Variants in STK32B observed in about 807,000 individuals in gnomAD.
The protein encoded by STK32B is serine/threonine-protein kinase 32B.
STK32B carries 43 observed loss-of-function variants against 52.6 expected under a neutral mutation model. The ratio of observed to expected loss-of-function variants is 0.82; its 90% confidence interval spans 0.64 to 1.05. The LOEUF (loss-of-function observed/expected upper bound fraction) is 1.05, where lower values mean the gene tolerates loss of function less well. STK32B is among the 50% of genes least tolerant of loss of function. The pLI is 0.00. For synonymous variants in STK32B, 238 were observed against 204.3 expected, an observed-to-expected ratio of 1.17 and a Z score of -1.41; for missense variants, 621 against 534.6, an observed-to-expected ratio of 1.16 and a Z score of -1.59.
intron 3 of STK32B, among the ~76,000 whole-genome samples, chr4:5,218,022 T>C (rs925276349): frequency 1.3e-5 from 2 of 152,106 alleles, no homozygotes; most frequent in African/African-American, 4.8e-5. Context: ...TCTTGGTATT[T>C]TTTTCCTGTA....
chr4:5,158,960 C>A (rs901152750), intron 2 of STK32B, among the ~76,000 whole-genome samples: 2 of 152,214 alleles, frequency 1.3e-5, no homozygotes, highest in Admixed American at 1.3e-4. Flanking sequence ...ATGGCACCAA[C>A]CCTTTAAACA....
intron 3 of STK32B, among the ~76,000 whole-genome samples, chr4:5,270,685 C>G (rs1310374583): frequency 1.3e-5 from 2 of 152,076 alleles, no homozygotes; most frequent in African/African-American, 2.4e-5. Context: ...AAACATTGTA[C>G]TGAAGGGCAT....
intron 4 of STK32B, among the ~76,000 whole-genome samples, chr4:5,335,764 T>G (rs1270957903): frequency 6.6e-6 from 1 of 152,190 alleles, no homozygotes; most frequent in Non-Finnish European, 1.5e-5. Flanking sequence ...AGCAGGTTGT[T>G]CATTTTCCAT....
At position 5,446,694 on chromosome 4, in the gene STK32B, A is replaced by G. The variant is rs771706652; in HGVS notation, c.584A>G (p.Tyr195Cys). The G allele has an allele frequency of 2.5e-6, 4 of 1,614,098 alleles. No homozygotes were observed. Among genetic ancestry groups the G allele is most frequent in the African/African-American group, 2.7e-5 (2 of 75,032 alleles). The part of the protein sequence containing the change: ...PYMAPEVFQV[Y>C]MDRGPGYSYP... Reference sequence around the variant, plus strand: ...GCAGCTCCAGAAGTATTCCAGGTGTACATGGACAGAGGCCCCGGATACTCG... The same window carrying G: ...GCAGCTCCAGAAGTATTCCAGGTGTGCATGGACAGAGGCCCCGGATACTCG... The change falls in exon 7 of 12, where the codon TAC becomes TGC. Residue 195 changes from tyrosine to cysteine, a missense_variant. By Grantham distance (194) the Tyr-to-Cys change is radical (BLOSUM62 -2). Coordinates refer to ENST00000282908, the MANE Select transcript of STK32B (RefSeq NM_018401.3).
At chr4:5,283,696 T>C (rs1577291330) in intron 3 of STK32B, among the ~76,000 whole-genome samples, 1 of 152,274 alleles carries the variant, frequency 6.6e-6, no homozygotes, top group South Asian at 2.1e-4. Flanking sequence ...ATATTCAACG[T>C]GCTGAAGGAA....
At chr4:5,177,800 A>G (rs979632009) in intron 3 of STK32B, among the ~76,000 whole-genome samples, 5 of 152,208 alleles carry the variant, frequency 3.3e-5, no homozygotes, top group African/African-American at 9.6e-5. Flanking sequence ...AAGTTCCAAA[A>G]TGATCTCCTT....
At chr4:5,379,141 G>A (rs544889134) in intron 4 of STK32B, among the ~76,000 whole-genome samples, 2 of 152,254 alleles carry the variant, frequency 1.3e-5, no homozygotes, top group South Asian at 2.1e-4. Context: ...TGGTAGTAGC[G>A]AATGACTGGG....
At chr4:5,485,860 C>A (rs1437099517) in intron 11 of STK32B, among the ~76,000 whole-genome samples, 1 of 152,266 alleles carries the variant, frequency 6.6e-6, no homozygotes. Context: ...CACTCCAGAC[C>A]CTGTTTGCCT....
intron 3 of STK32B, among the ~76,000 whole-genome samples, chr4:5,296,457 G>A (rs568912465): frequency 6.6e-6 from 1 of 152,284 alleles, no homozygotes; most frequent in African/African-American, 2.4e-5. Context: ...TGTATTGGGT[G>A]CATATATATT....
chr4:5,456,902 G>A lies in STK32B; in HGVS notation c.762G>A (p.Gly254=), dbSNP rs367581212. The change falls in exon 8 of 12, where the codon GGG becomes GGA. Residue 254 remains glycine, a synonymous_variant. Coordinates refer to ENST00000282908, the MANE Select transcript of STK32B (RefSeq NM_018401.3). ...ACTACTCCTCCACGTGGTGCAAGGGGATGGTGGCCCTGCTGAGGAAGGTAA... is the reference window on the plus strand; with the variant it reads ...ACTACTCCTCCACGTGGTGCAAGGGAATGGTGGCCCTGCTGAGGAAGGTAA... ...RVHYSSTWCK[G]MVALLRKLLT... 6.3e-7 allele frequency: 1 copy of A among 1,575,766 alleles called. No homozygotes were observed. Among genetic ancestry groups the A allele is most frequent in the African/African-American group, 1.3e-5 (1 of 74,158 alleles).
At chr4:5,136,145 G>GCTGGCCA (rs1210492099) in intron 1 of STK32B, among the ~76,000 whole-genome samples, 1 of 152,196 alleles carries the variant, frequency 6.6e-6, no homozygotes, top group Non-Finnish European at 1.5e-5. Flanking sequence ...ATTGCCTGGG[G>GCTGGCCA]CTGGCCACAG....
At chr4:5,329,427 G>C (rs1022663818) in intron 3 of STK32B, among the ~76,000 whole-genome samples, 4 of 152,102 alleles carry the variant, frequency 2.6e-5, no homozygotes, top group Non-Finnish European at 1.5e-5. Context: ...TTCTCTCTCT[G>C]TCTGAGTCAC....
At chr4:5,341,477 C>T (rs1733070792) in intron 4 of STK32B, among the ~76,000 whole-genome samples, 1 of 152,216 alleles carries the variant, frequency 6.6e-6, no homozygotes, top group Non-Finnish European at 1.5e-5. Flanking sequence ...TAGGTTCTCA[C>T]TTTATTCCTC....
At chr4:5,299,980 T>C (rs941958578) in intron 3 of STK32B, among the ~76,000 whole-genome samples, 7 of 151,756 alleles carry the variant, frequency 4.6e-5, no homozygotes, top group African/African-American at 1.7e-4. Flanking sequence ...AGCAAAGATA[T>C]AACAAAAAAA....
intron 5 of STK32B, among the ~76,000 whole-genome samples, chr4:5,410,250 CTT>C (rs1711562358): frequency 6.6e-6 from 1 of 152,300 alleles, no homozygotes; most frequent in Admixed American, 6.5e-5. Context: ...ATTCTCATCT[CTT>C]TTGGGCTTCA....
intron 1 of STK32B, among the ~76,000 whole-genome samples, chr4:5,053,545 GTCATT>G (rs1222164417): frequency 6.6e-6 from 1 of 152,170 alleles, no homozygotes; most frequent in African/African-American, 2.4e-5. Flanking sequence ...AACCGTCTCT[GTCATT>G]TATCCCCAGC....
intron 2 of STK32B, among the ~76,000 whole-genome samples, chr4:5,161,672 G>A (rs1028469709): frequency 5.3e-5 from 8 of 152,150 alleles, no homozygotes; most frequent in Non-Finnish European, 1.0e-4. Context: ...TTGCTTTCTT[G>A]AAGTAAATGG....
intron 5 of STK32B, among the ~76,000 whole-genome samples, chr4:5,414,896 T>C (rs1408209505): frequency 1.3e-5 from 2 of 152,150 alleles, no homozygotes; most frequent in African/African-American, 4.8e-5. Context: ...TACCAAACTT[T>C]TGAAAGAGGG....
rs1325703261 is a variant in STK32B at position 5,331,405 on chromosome 4, G to A, written c.434+12G>A. The A allele has an allele frequency of 3.7e-6, 6 of 1,601,378 alleles. No individual in the cohort carries two copies. The highest frequency in any genetic ancestry group is 2.2e-5 in the South Asian group (2 of 89,116). The stretch of plus-strand genomic sequence containing the variant: ...CACATCATCCACAGGTAACTGGGCT[G>A]CTGGCGGGATGCCTGGGACAGAGGG... On this transcript the variant is annotated intron_variant, in intron 4 of 11. Coordinates refer to ENST00000282908, the MANE Select transcript of STK32B (RefSeq NM_018401.3).
Sources: gnomAD v4.1 joint callset for allele counts (sites outside exome capture counted in the v4.1 genomes callset) on GRCh38, gnomAD v4.1.1 for gene constraint, MANE v1.5 for transcripts, NCBI Gene and HGNC (gene_info 2026-07-23, HGNC 2026-07-21) for gene names.